The following NKAIN2 variants were observed in gnomAD, a reference collection of about 807,000 sequenced individuals.
The protein encoded by NKAIN2 is sodium/potassium-transporting ATPase subunit beta-1-interacting protein 2.
A neutral mutation model predicts 32.6 loss-of-function variants in NKAIN2; 14 were observed. The ratio of observed to expected loss-of-function variants is 0.43; its 90% CI spans 0.28 to 0.67. The LOEUF is 0.67. Ranked by LOEUF, NKAIN2 falls within the 30% of genes least tolerant of loss-of-function variation. The probability of loss-of-function intolerance (pLI) is 0.17; values close to 1 mark genes in which losing one functional copy is unlikely to be tolerated. For synonymous variants in NKAIN2, 80 were observed against 87.2 expected, an observed-to-expected ratio of 0.92 and a Z score of 0.46; for missense variants, 198 against 258.3, an observed-to-expected ratio of 0.77 and a Z score of 1.60.
chr6:124,354,816 C>A (rs1798892313), intron 2 of NKAIN2, among the ~76,000 whole-genome samples: 1 of 145,642 alleles, frequency 6.9e-6, no homozygotes. Flanking sequence ...CAGGTTTGAG[C>A]TGTAATCCTA....
At chr6:124,108,763 C>G (rs766117583) in intron 1 of NKAIN2, among the ~76,000 whole-genome samples, 1 of 152,022 alleles carries the variant, frequency 6.6e-6, no homozygotes, top group South Asian at 2.1e-4. Context: ...CATGTGGATA[C>G]TAGTTTTCCT....
intron 4 of NKAIN2, among the ~76,000 whole-genome samples, chr6:124,727,518 G>C (rs1263221915): frequency 1.3e-5 from 2 of 151,296 alleles, no homozygotes; most frequent in African/African-American, 2.4e-5. Context: ...GAGAGATTTT[G>C]TCACCACCAG....
intron 5 of NKAIN2, among the ~76,000 whole-genome samples, chr6:124,816,825 T>A (rs1042093101): frequency 3.3e-5 from 5 of 152,212 alleles, no homozygotes; most frequent in African/African-American, 9.6e-5. Context: ...CTTCCTCTTA[T>A]CTTGTTGGCC....
At chr6:123,995,823 G>A (rs1418793519) in intron 1 of NKAIN2, among the ~76,000 whole-genome samples, 1 of 152,118 alleles carries the variant, frequency 6.6e-6, no homozygotes, top group East Asian at 1.9e-4. Flanking sequence ...GAAGTTGAAA[G>A]CCTCCAACAG....
intron 3 of NKAIN2, among the ~76,000 whole-genome samples, chr6:124,536,139 G>A (rs968306867): frequency 6.6e-6 from 1 of 152,162 alleles, no homozygotes; most frequent in African/African-American, 2.4e-5. Flanking sequence ...CCCAAGTAAT[G>A]ACTATTGAAC....
intron 1 of NKAIN2, among the ~76,000 whole-genome samples, chr6:124,069,095 C>A (rs1783322766): frequency 6.6e-6 from 1 of 152,138 alleles, no homozygotes; most frequent in Non-Finnish European, 1.5e-5. Context: ...CTTTGGTTAT[C>A]TGTTCATTCC....
At chr6:124,319,070 C>G (rs1423516442) in intron 2 of NKAIN2, among the ~76,000 whole-genome samples, 1 of 151,772 alleles carries the variant, frequency 6.6e-6, no homozygotes, top group Non-Finnish European at 1.5e-5. Flanking sequence ...GCCTATGTGC[C>G]CCACTGAGAT....
chr6:124,591,677 G>A (rs146412933), intron 3 of NKAIN2, among the ~76,000 whole-genome samples: 13 of 152,268 alleles, frequency 8.5e-5, no homozygotes, highest in Admixed American at 7.2e-4. Context: ...AAATAATAGA[G>A]AGAACCAGTA....
chr6:124,011,768 T>G (rs1780341394), intron 1 of NKAIN2, among the ~76,000 whole-genome samples: 1 of 152,218 alleles, frequency 6.6e-6, no homozygotes, highest in Admixed American at 6.5e-5. Context: ...CATCAAATTT[T>G]AATTCAAGAA....
chr6:124,417,469 A>T (rs1411989827), intron 3 of NKAIN2, among the ~76,000 whole-genome samples: 3 of 143,886 alleles, frequency 2.1e-5, no homozygotes, highest in Non-Finnish European at 4.5e-5. Context: ...TACACATATT[A>T]TCATTTTCTG....
At chr6:123,858,517 A>G (rs915598236) in intron 1 of NKAIN2, among the ~76,000 whole-genome samples, 2 of 152,238 alleles carry the variant, frequency 1.3e-5, no homozygotes, top group Non-Finnish European at 2.9e-5. Flanking sequence ...ACATATTTAC[A>G]TTTAAGGGAC....
intron 4 of NKAIN2, among the ~76,000 whole-genome samples, chr6:124,669,883 A>G (rs1773012028): frequency 6.6e-6 from 1 of 151,940 alleles, no homozygotes; most frequent in Non-Finnish European, 1.5e-5. Context: ...GACAAGCCTG[A>G]CATTGAGCGT....
chr6:124,371,818 T>C lies in NKAIN2; in HGVS notation c.273+16471T>C, dbSNP rs182920870. ...ACACTGTAAATGTGATTTATGAGGG[T>C]TACAACATTTTCCAAGTTTATATCA... On this transcript the variant is annotated intron_variant, in intron 3 of 6. Coordinates refer to ENST00000368417, the MANE Select transcript of NKAIN2 (RefSeq NM_001040214.3). Among the ~76,000 whole-genome samples, 181 of 152,184 alleles carry C rather than the reference T, an allele frequency of 1.2e-3. 1 individual carries two copies. Among genetic ancestry groups the C allele is most frequent in the African/African-American group, 4.3e-3 (179 of 41,540 alleles).
chr6:124,648,521 T>A (rs1784256043), intron 3 of NKAIN2, among the ~76,000 whole-genome samples: 1 of 152,150 alleles, frequency 6.6e-6, no homozygotes, highest in Non-Finnish European at 1.5e-5. Context: ...GTCATGTTGG[T>A]CAGATCCAGG....
At chr6:124,746,270 C>T (rs191394419) in intron 4 of NKAIN2, among the ~76,000 whole-genome samples, 1 of 151,690 alleles carries the variant, frequency 6.6e-6, no homozygotes, top group East Asian at 2.0e-4. Flanking sequence ...CCTGTGAGGG[C>T]AGGAGAAAAG....
chr6:124,152,556 T>G (rs947576962), intron 1 of NKAIN2, among the ~76,000 whole-genome samples: 2 of 151,932 alleles, frequency 1.3e-5, no homozygotes, highest in Non-Finnish European at 2.9e-5. Flanking sequence ...CTTGTACATG[T>G]TTGGTAGGAA....
In NKAIN2 at chr6:124,740,634, A is replaced by G. The variant is rs544002145; in HGVS notation, c.475-50705A>G. ...AAGTGATAAAATCAACCATGTTAAT[A>G]TCTATGGGAGGAACGTTCCAGGAAA... is the stretch of plus-strand genomic sequence containing the variant. On this transcript the variant is annotated intron_variant, in intron 4 of 6. Coordinates refer to ENST00000368417, the MANE Select transcript of NKAIN2 (RefSeq NM_001040214.3). Among the ~76,000 whole-genome samples the G allele has an allele frequency of 9.9e-5, 15 of 151,978 alleles. No individual in the cohort carries two copies. In the South Asian group the frequency reaches 2.3e-3, roughly 23 times the overall value.
chr6:124,600,146 A>G (rs1212114498), intron 3 of NKAIN2, among the ~76,000 whole-genome samples: 1 of 152,110 alleles, frequency 6.6e-6, no homozygotes, highest in African/African-American at 2.4e-5. Flanking sequence ...ACTGCACACC[A>G]TCACTACAGT....
At chr6:123,927,644 G>A (rs1014754049) in intron 1 of NKAIN2, among the ~76,000 whole-genome samples, 10 of 152,280 alleles carry the variant, frequency 6.6e-5, no homozygotes, top group East Asian at 3.9e-4. Flanking sequence ...TCTAGTGACC[G>A]TCCCAAACAG....
Sources: gnomAD v4.1 joint callset for allele counts (sites outside exome capture counted in the v4.1 genomes callset) on GRCh38, gnomAD v4.1.1 for gene constraint, MANE v1.5 for transcripts, NCBI Gene and HGNC (gene_info 2026-07-23, HGNC 2026-07-21) for gene names.